DTNA: variants seen among roughly 807,000 people sequenced by gnomAD.
DTNA encodes the protein dystrobrevin alpha, also known as dystrophin-related protein 3.
A neutral mutation model predicts 100.7 loss-of-function variants in DTNA; 43 were observed. The observed-to-expected ratio is 0.43, with a 90% CI of 0.33 to 0.55. The LOEUF is 0.55. Among genes scored for constraint, DTNA ranks in the 20% least tolerant of loss-of-function variants. DTNA has a pLI of 0.04. For missense variants in DTNA, 798 were observed against 953.9 expected, an observed-to-expected ratio of 0.84 and a Z score of 2.15; for synonymous variants, 349 against 347.9, an observed-to-expected ratio of 1.00 and a Z score of -0.04.
At chr18:34,819,698 G>A (rs2095666088) in intron 8 of DTNA, among the ~76,000 whole-genome samples, 2 of 152,136 alleles carry the variant, frequency 1.3e-5, no homozygotes, top group Non-Finnish European at 2.9e-5. Flanking sequence ...CAGACTCCTT[G>A]AGAGGACAGA....
Position 34,838,181 on chromosome 18 carries a change from A to T in DTNA, c.1253+10A>T. ...TTCTGAAGGGCAAAGGGTAAGTTAC[A>T]GCCAGAGTGTACTGGAACCCTGCAT... On this transcript the variant is annotated intron_variant, in intron 12 of 22. Coordinates refer to ENST00000444659, the MANE Select transcript of DTNA (RefSeq NM_001386795.1). 7 of 1,613,698 alleles carry T rather than the reference A, an allele frequency of 4.3e-6. No homozygotes were observed. The highest frequency in any genetic ancestry group is 5.9e-6 in the Non-Finnish European group (7 of 1,179,720).
In DTNA at chr18:34,544,510, A is replaced by G. The variant is rs77777850; in HGVS notation, c.-2+50996A>G. 7.2e-3 allele frequency among the ~76,000 whole-genome samples: 1,095 copies of G among 152,200 alleles called. 17 individuals are homozygous for G. Among genetic ancestry groups the G allele is most frequent in the African/African-American group, 0.025 (1,056 of 41,558 alleles). On this transcript the variant is annotated intron_variant, in intron 1 of 19. Coordinates refer to the DTNA transcript ENST00000283365. ...ACTAGAAAGGAAAATCAAGGAATTCAGTCTCAATGGAATTTTCCATATAAT... is the reference window on the plus strand; with the variant it reads ...ACTAGAAAGGAAAATCAAGGAATTCGGTCTCAATGGAATTTTCCATATAAT...
intron 1 of DTNA, among the ~76,000 whole-genome samples, chr18:34,595,690 T>A (rs1469672641): frequency 6.6e-6 from 1 of 152,254 alleles, no homozygotes; most frequent in Non-Finnish European, 1.5e-5. Context: ...TGCTTGGATA[T>A]CTTTGACTCT....
At chr18:34,773,933 T>C (rs2093913674) in intron 3 of DTNA, among the ~76,000 whole-genome samples, 1 of 152,220 alleles carries the variant, frequency 6.6e-6, no homozygotes, top group Non-Finnish European at 1.5e-5. Flanking sequence ...TTTTAGAGAA[T>C]GCCAGAAGCT....
intron 4 of DTNA, among the ~76,000 whole-genome samples, chr18:34,804,830 TTCAG>T (rs2095318830): frequency 6.6e-6 from 1 of 152,164 alleles, no homozygotes; most frequent in Non-Finnish European, 1.5e-5. Context: ...TAGCATAGGG[TTCAG>T]TCAATTTTGC....
At chr18:34,542,962 C>T (rs1367411802) in intron 1 of DTNA, among the ~76,000 whole-genome samples, 8 of 151,926 alleles carry the variant, frequency 5.3e-5, no homozygotes, top group Non-Finnish European at 8.8e-5. Context: ...CATGGATCTC[C>T]AAGAAGCTGC....
chr18:34,624,413 G>A (rs2057016164), intron 1 of DTNA, among the ~76,000 whole-genome samples: 1 of 152,112 alleles, frequency 6.6e-6, no homozygotes, highest in Non-Finnish European at 1.5e-5. Flanking sequence ...TATAGCAACT[G>A]CCCCTTAAGT....
chr18:34,636,839 A>G (rs534495701), intron 1 of DTNA, among the ~76,000 whole-genome samples: 1 of 152,328 alleles, frequency 6.6e-6, no homozygotes, highest in Non-Finnish European at 1.5e-5. Context: ...CCGTAAGAAT[A>G]TTCAGAATAA....
At chr18:34,588,596 A>C (rs2146847703) in intron 1 of DTNA, among the ~76,000 whole-genome samples, 1 of 152,204 alleles carries the variant, frequency 6.6e-6, no homozygotes, top group South Asian at 2.1e-4. Context: ...TCCTGCAACA[A>C]AGATCCAGAG....
At chr18:34,684,647 C>G (rs2078614112) in intron 1 of DTNA, among the ~76,000 whole-genome samples, 1 of 152,066 alleles carries the variant, frequency 6.6e-6, no homozygotes, top group Non-Finnish European at 1.5e-5. Context: ...ACTTATAATC[C>G]TTTGGGTATA....
chr18:34,773,451 G>A (rs899830), intron 3 of DTNA, among the ~76,000 whole-genome samples: 106,694 of 152,176 alleles, frequency 0.7, 38,316 homozygotes, highest in East Asian at 0.9. Flanking sequence ...CCCTAGTCAA[G>A]GAGCCAGCAG....
intron 1 of DTNA, among the ~76,000 whole-genome samples, chr18:34,632,084 TTTAATCCATTTAAA>T (rs56157327): frequency 9.8e-5 from 15 of 152,342 alleles, no homozygotes; most frequent in East Asian, 1.9e-4. Context: ...TCTGTTTTTC[TTTAATCCATTTAAA>T]TTAATCCATT....
At chr18:34,685,335 C>A (rs1006544647) in intron 1 of DTNA, among the ~76,000 whole-genome samples, 2 of 152,140 alleles carry the variant, frequency 1.3e-5, no homozygotes, top group African/African-American at 2.4e-5. Flanking sequence ...AGGAAAGGGT[C>A]CAGTTTCAGC....
chr18:34,748,703 TG>T (rs2091959819), intron 1 of DTNA, among the ~76,000 whole-genome samples: 1 of 152,170 alleles, frequency 6.6e-6, no homozygotes, highest in Non-Finnish European at 1.5e-5. Context: ...GTTTTGGTAA[TG>T]ATAGTCTTGT....
intron 1 of DTNA, among the ~76,000 whole-genome samples, chr18:34,730,962 A>G (rs2087986172): frequency 6.6e-6 from 1 of 152,094 alleles, no homozygotes; most frequent in African/African-American, 2.4e-5. Context: ...CACCCTTCAC[A>G]TATGCCTCCA....
At chr18:34,809,598 A>G (rs1459925150) in intron 5 of DTNA, among the ~76,000 whole-genome samples, 2 of 152,188 alleles carry the variant, frequency 1.3e-5, no homozygotes, top group Admixed American at 1.3e-4. Context: ...AGTTTTTCTA[A>G]TTCACGTTAA....
intron 9 of DTNA, chr18:34,825,287 A>C (rs767171192): frequency 6.2e-7 from 1 of 1,613,342 alleles, no homozygotes; most frequent in South Asian, 1.1e-5. Context: ...TAAGTAGTGC[A>C]GTCATTTCCA....
intron 1 of DTNA, among the ~76,000 whole-genome samples, chr18:34,673,680 A>T (rs1475905570): frequency 1.3e-5 from 2 of 152,200 alleles, no homozygotes; most frequent in Non-Finnish European, 2.9e-5. Context: ...CCTGAATGTC[A>T]GCAGGTCTTC....
intron 11 of DTNA, among the ~76,000 whole-genome samples, chr18:34,835,585 A>T (rs2096122683): frequency 6.6e-6 from 1 of 151,652 alleles, no homozygotes; most frequent in South Asian, 2.1e-4. Flanking sequence ...GAAAAAAAAA[A>T]GGAGAAGGCC....
Sources: gnomAD v4.1 joint callset for allele counts (sites outside exome capture counted in the v4.1 genomes callset) on GRCh38, gnomAD v4.1.1 for gene constraint, MANE v1.5 for transcripts, NCBI Gene and HGNC (gene_info 2026-07-23, HGNC 2026-07-21) for gene names.